Variants in ESR1 observed in about 807,000 individuals in gnomAD.
ESR1 encodes estrogen receptor 1, also known as estrogen receptor.
A neutral mutation model predicts 52.7 loss-of-function variants in ESR1; 12 were observed. The observed-to-expected ratio is 0.23, with a 90% CI of 0.15 to 0.37. The LOEUF (loss-of-function observed/expected upper bound fraction) is 0.37. Among genes scored for constraint, ESR1 ranks in the 10% least tolerant of loss-of-function variants. The probability of loss-of-function intolerance (pLI) is 1.00; values close to 1 mark genes in which losing one functional copy is unlikely to be tolerated. For synonymous variants in ESR1, 305 were observed against 316.8 expected, an observed-to-expected ratio of 0.96 and a Z score of 0.39; for missense variants, 584 against 779.7, an observed-to-expected ratio of 0.75 and a Z score of 2.99.
At chr6:151,906,349 T>C (rs537435790) in intron 3 of ESR1, among the ~76,000 whole-genome samples, 1 of 152,184 alleles carries the variant, frequency 6.6e-6, no homozygotes, top group South Asian at 2.1e-4. Flanking sequence ...AAGGTTAATT[T>C]TGACCTAGTT....
chr6:151,696,418 G>A (rs1779345524), intron 1 of ESR1, among the ~76,000 whole-genome samples: 1 of 151,920 alleles, frequency 6.6e-6, no homozygotes, highest in African/African-American at 2.4e-5. Flanking sequence ...GTTGCAGTGA[G>A]CTGAGATAAC....
At chr6:152,093,932 T>A (rs952344880) in intron 6 of ESR1, among the ~76,000 whole-genome samples, 3 of 152,200 alleles carry the variant, frequency 2.0e-5, no homozygotes, top group Admixed American at 2.0e-4. Flanking sequence ...GGGTTTCATC[T>A]AAGCTCTGCC....
At position 151,933,682 on chromosome 6, in the gene ESR1, C is replaced by G. The variant is rs577113822; in HGVS notation, c.761-10491C>G. Among the ~76,000 whole-genome samples the G allele has an allele frequency of 1.4e-3, 214 of 152,248 alleles. 1 individual carries two copies. Among genetic ancestry groups the G allele is most frequent in the African/African-American group, 4.9e-3 (205 of 41,550 alleles). On this transcript the variant is annotated intron_variant, in intron 3 of 7. Coordinates refer to ENST00000206249, the MANE Select transcript of ESR1 (RefSeq NM_000125.4). ...AGCATGAAGAGTTGTTGAATTTTGT[C>G]AAAGGCTTTTTCTGCATCTATTGAG... is the stretch of plus-strand genomic sequence containing the variant.
chr6:152,124,237 C>T (rs754405294), intron 6 of ESR1, among the ~76,000 whole-genome samples: 2 of 152,096 alleles, frequency 1.3e-5, no homozygotes, highest in Non-Finnish European at 2.9e-5. Context: ...ACCCGGGAGG[C>T]GGAGGCTGCA....
chr6:152,108,953 A>G (rs575867732), intron 6 of ESR1, among the ~76,000 whole-genome samples: 1 of 152,306 alleles, frequency 6.6e-6, no homozygotes, highest in African/African-American at 2.4e-5. Flanking sequence ...GCTGTACAGG[A>G]GGCATGGCAG....
At chr6:151,717,604 GA>G in intron 2 of ESR1, among the ~76,000 whole-genome samples, 1 of 152,206 alleles carries the variant, frequency 6.6e-6, no homozygotes, top group East Asian at 1.9e-4. Flanking sequence ...GCTAATCCAG[GA>G]AAAGGAATAA....
intron 1 of ESR1, among the ~76,000 whole-genome samples, chr6:151,823,805 C>T (rs1399872660): frequency 6.6e-6 from 1 of 152,152 alleles, no homozygotes; most frequent in Non-Finnish European, 1.5e-5. Flanking sequence ...ATGAACTCAT[C>T]CTTTTTTATG....
In ESR1 at chr6:152,100,417, C is replaced by T. The variant is rs33999531; in HGVS notation, c.*1451C>T. On this transcript the variant is annotated 3_prime_UTR_variant, in exon 8 of 8. Coordinates refer to ENST00000206249, the MANE Select transcript of ESR1 (RefSeq NM_000125.4). ...AAGAAAATCCTCCCCCTTCCTCCCC[C>T]GCCCCGTTCCCTACCGCCTCCACTC... is the stretch of plus-strand genomic sequence containing the variant. 4 of 278,868 alleles carry T rather than the reference C, an allele frequency of 1.4e-5. No individual in the cohort carries two copies. The highest frequency in any genetic ancestry group is 1.1e-4 in the East Asian group (2 of 18,890). 17.3% of individuals were successfully genotyped at this position (278,868 alleles called of 1,614,324 possible). A position where few individuals can be genotyped will look rare whatever the true frequency, so the allele number is the denominator to read the frequency against.
chr6:151,755,380 T>C (rs957316077), intron 2 of ESR1, among the ~76,000 whole-genome samples: 2 of 152,166 alleles, frequency 1.3e-5, no homozygotes, highest in African/African-American at 4.8e-5. Context: ...CATGGGGTCA[T>C]TCTTGACTCC....
Position 152,098,202 on chromosome 6 carries a change from C to T in ESR1, c.1554-530C>T, listed in dbSNP as rs1182391670. On this transcript the variant is annotated intron_variant, in intron 7 of 7. Coordinates refer to ENST00000206249, the MANE Select transcript of ESR1 (RefSeq NM_000125.4). The surrounding 1 kb of genome is among the most constrained non-coding windows in gnomAD (Gnocchi z 5.1). ...CTTGGAGACATGGATGGAAGCTGGACCAGTTGGGCCTTGTTGAACATGGAA... is the reference window on the plus strand; with the variant it reads ...CTTGGAGACATGGATGGAAGCTGGATCAGTTGGGCCTTGTTGAACATGGAA... Among the ~76,000 whole-genome samples the T allele has an allele frequency of 2.0e-5, 3 of 152,144 alleles. No individual in the cohort carries two copies. In the East Asian group the frequency reaches 5.8e-4, roughly 29 times the overall value.
chr6:151,792,156 A>T (rs1344682615), intron 2 of ESR1, among the ~76,000 whole-genome samples: 1 of 152,186 alleles, frequency 6.6e-6, no homozygotes, highest in Non-Finnish European at 1.5e-5. Context: ...ATCTAAACAC[A>T]CTTCAACATA....
chr6:151,809,902 C>A (rs1388622742), intron 1 of ESR1, among the ~76,000 whole-genome samples: 4 of 151,512 alleles, frequency 2.6e-5, no homozygotes, highest in Non-Finnish European at 5.9e-5. Context: ...CAAAGTACAG[C>A]GATTAAGTCT....
At chr6:151,988,016 T>C (rs1302614009) in intron 4 of ESR1, among the ~76,000 whole-genome samples, 1 of 152,080 alleles carries the variant, frequency 6.6e-6, no homozygotes, top group South Asian at 2.1e-4. Context: ...AAAGCAGCAG[T>C]CCCCAACCCT....
At chr6:151,672,152 C>T (rs1778085478) in intron 1 of ESR1, among the ~76,000 whole-genome samples, 1 of 150,636 alleles carries the variant, frequency 6.6e-6, no homozygotes. Flanking sequence ...GTTCTTACCA[C>T]AAAAAAATGA....
chr6:152,123,178 C>T (rs2052008982), intron 6 of ESR1, among the ~76,000 whole-genome samples: 1 of 152,200 alleles, frequency 6.6e-6, no homozygotes, highest in South Asian at 2.1e-4. Flanking sequence ...CAGTCTTTGT[C>T]ATTTTGCACA....
At chr6:151,859,537 C>T (rs181360350) in intron 2 of ESR1, among the ~76,000 whole-genome samples, 45 of 152,264 alleles carry the variant, frequency 3.0e-4, no homozygotes, top group Admixed American at 8.5e-4. Flanking sequence ...ATCACAGACC[C>T]AGGGACTCAG....
At chr6:152,005,101 C>G (rs1397381153) in intron 4 of ESR1, among the ~76,000 whole-genome samples, 1 of 151,992 alleles carries the variant, frequency 6.6e-6, no homozygotes, top group African/African-American at 2.4e-5. Flanking sequence ...TAGACAGCAG[C>G]AAACATAGTG....
intron 1 of ESR1, among the ~76,000 whole-genome samples, chr6:151,813,746 T>A (rs905761809): frequency 1.3e-5 from 2 of 152,336 alleles, no homozygotes; most frequent in East Asian, 1.9e-4. Context: ...AATAAGATAG[T>A]AGACTTCTTT....
At chr6:151,877,293 A>C (rs1347141838) in intron 2 of ESR1, among the ~76,000 whole-genome samples, 1 of 152,158 alleles carries the variant, frequency 6.6e-6, no homozygotes, top group Non-Finnish European at 1.5e-5. Flanking sequence ...ACACATATTG[A>C]CCAAGTTACA....
Sources: allele counts gnomAD v4.1 joint callset (sites outside exome capture counted in the v4.1 genomes callset), GRCh38; gene constraint gnomAD v4.1.1; non-coding constraint Gnocchi (gnomAD v3.1); transcripts MANE v1.5; gene names NCBI Gene and HGNC (gene_info 2026-07-23, HGNC 2026-07-21).